The following HHIPL1 variants were observed in gnomAD, a reference collection of about 807,000 sequenced individuals.
HHIPL1 encodes HHIP-like protein 1.
A neutral mutation model predicts 61.8 loss-of-function variants in HHIPL1; 43 were observed. The ratio of observed to expected loss-of-function variants is 0.70; its 90% CI spans 0.55 to 0.90. HHIPL1 has a LOEUF of 0.90. Ranked by LOEUF, HHIPL1 falls within the 40% of genes least tolerant of loss-of-function variation. HHIPL1 has a pLI of 0.00. For missense variants in HHIPL1, 1,056 were observed against 1,157.7 expected, an observed-to-expected ratio of 0.91 and a Z score of 1.28; for synonymous variants, 482 against 515.8, an observed-to-expected ratio of 0.93 and a Z score of 0.89.
At chr14:99,620,780 G>A in the HHIPL1 span, among the ~76,000 whole-genome samples, 1 of 152,222 alleles carries the variant, frequency 6.6e-6, no homozygotes, top group Non-Finnish European at 1.5e-5. Flanking sequence ...ACGTAGGGGG[G>A]CCAGGCCTCT....
chr14:99,611,576 G>C, the HHIPL1 span, among the ~76,000 whole-genome samples: 1 of 139,574 alleles, frequency 7.2e-6, no homozygotes, highest in Non-Finnish European at 1.5e-5. Context: ...GTGAGCCACC[G>C]TGCCTGGCCT....
chr14:99,673,834 G>C (rs1175727919), intron 8 of HHIPL1, among the ~76,000 whole-genome samples: 1 of 98,596 alleles, frequency 1.0e-5, no homozygotes, highest in African/African-American at 4.0e-5. Context: ...GGCATGGAGG[G>C]GGGGTGCACA....
Position 99,652,364 on chromosome 14 carries a change from C to T in HHIPL1, c.396C>T (p.Asp132=), listed in dbSNP as rs2055947402. The change falls in exon 2 of 9, where the codon GAC becomes GAT. Residue 132 remains aspartate, a synonymous_variant. Coordinates refer to ENST00000330710, the MANE Select transcript of HHIPL1 (RefSeq NM_001127258.3). ...CRGLFRHLST[D]QELWALEGNL... ...GGCTGTTCCGTCACCTGTCAACTGA[C>T]CAGGAGCTCTGGGCGCTGGAGGGCA... The T allele has an allele frequency of 6.2e-7, 1 of 1,614,214 alleles. No homozygotes were observed. Among genetic ancestry groups the T allele is most frequent in the Non-Finnish European group, 8.5e-7 (1 of 1,180,050 alleles).
At chr14:99,613,443 G>A in the HHIPL1 span, among the ~76,000 whole-genome samples, 5 of 151,122 alleles carry the variant, frequency 3.3e-5, no homozygotes, top group Admixed American at 1.3e-4. Flanking sequence ...CTCACACCTC[G>A]ACCTCCTGAA....
chr14:99,632,939 G>T, the HHIPL1 span, among the ~76,000 whole-genome samples: 13 of 151,912 alleles, frequency 8.6e-5, no homozygotes, highest in East Asian at 2.5e-3. Flanking sequence ...GGATGGGGGA[G>T]TGAGGAGGGG....
intron 1 of HHIPL1, among the ~76,000 whole-genome samples, chr14:99,650,560 G>A (rs1356693488): frequency 2.6e-5 from 4 of 152,242 alleles, no homozygotes. Context: ...GGGTAGTTGG[G>A]AGCTGGCCAG....
At chr14:99,671,314 G>A (rs1305528756) in intron 7 of HHIPL1, among the ~76,000 whole-genome samples, 1 of 152,164 alleles carries the variant, frequency 6.6e-6, no homozygotes, top group Non-Finnish European at 1.5e-5. Context: ...ATTTCCTTAA[G>A]GAACAAAAGC....
At chr14:99,640,877 CTTTTTTTTTT>C (rs59137552), upstream of HHIPL1, among the ~76,000 whole-genome samples, 66 of 69,870 alleles carry the variant, frequency 9.4e-4, no homozygotes, top group Admixed American at 3.6e-3. Context: ...ACTTCTTCTT[CTTTTTTTTTT>C]TTTTTTTTTT....
the HHIPL1 span, among the ~76,000 whole-genome samples, chr14:99,606,560 C>G: frequency 6.6e-6 from 1 of 152,230 alleles, no homozygotes; most frequent in East Asian, 1.9e-4. Flanking sequence ...CCTGGTGGTT[C>G]CTGGGGCCTG....
In HHIPL1 at chr14:99,678,038, A is replaced by C. The variant is rs1002561814; in HGVS notation, c.*2412A>C. ...GGTTGGGGGGATGGTTTTGGGATGA[A>C]ATGTCCCACCTCAGATCATCAGGCA... On this transcript the variant is annotated 3_prime_UTR_variant, in exon 9 of 9. Transcript: ENST00000330710. 1 of 152,270 alleles carries C rather than the reference A, an allele frequency of 6.6e-6. No individual in the cohort carries two copies. Among genetic ancestry groups the C allele is most frequent in the African/African-American group, 2.4e-5 (1 of 41,438 alleles). The allele number at this position is 152,270 out of a possible 1,614,324, so 9.4% of individuals were successfully genotyped here.
intron 5 of HHIPL1, among the ~76,000 whole-genome samples, chr14:99,662,534 C>T (rs936601437): frequency 6.6e-6 from 1 of 152,162 alleles, no homozygotes; most frequent in Non-Finnish European, 1.5e-5. Flanking sequence ...GAAGATTGCA[C>T]ACAGTGACAG....
At chr14:99,622,230 A>G in the HHIPL1 span, among the ~76,000 whole-genome samples, 1 of 152,142 alleles carries the variant, frequency 6.6e-6, no homozygotes, top group African/African-American at 2.4e-5. Context: ...CACATCTGAT[A>G]AGCTCTAATG....
chr14:99,653,400 G>A (rs1229902695), intron 2 of HHIPL1, among the ~76,000 whole-genome samples: 2 of 152,006 alleles, frequency 1.3e-5, no homozygotes, highest in Admixed American at 6.6e-5. Flanking sequence ...TGGCACAATC[G>A]CAGCTCACTG....
chr14:99,658,527 C>T (rs2056088427), intron 3 of HHIPL1, among the ~76,000 whole-genome samples: 1 of 152,184 alleles, frequency 6.6e-6, no homozygotes, highest in African/African-American at 2.4e-5. Context: ...TGATGGAATA[C>T]AGCTTCACAA....
In HHIPL1 at chr14:99,659,606, G is replaced by C; in HGVS notation, c.1225G>C (p.Gly409Arg). 2 of 1,549,446 alleles carry C rather than the reference G, an allele frequency of 1.3e-6. No homozygotes were observed. Among genetic ancestry groups the C allele is most frequent in the Non-Finnish European group, 1.7e-6 (2 of 1,150,802 alleles). ...CTTCGACCGTGGCGACCCCTCCTCG[G>C]GCACTGGCCGCGGGCGCCTCTTCTG... ...CSFDRGDPSS[G>R]TGRGRLFCGD... Residue 409 changes from glycine (G) to arginine (R), a missense_variant, in exon 4 of 9, where the codon GGC becomes CGC. Physicochemically the swap from Gly to Arg is moderately radical, Grantham distance 125. Transcript: ENST00000330710.
At chr14:99,605,405 C>T in the HHIPL1 span, among the ~76,000 whole-genome samples, 3 of 152,106 alleles carry the variant, frequency 2.0e-5, no homozygotes, top group Non-Finnish European at 2.9e-5. Flanking sequence ...GGTCCCTCCC[C>T]CGGAACCTGC....
the HHIPL1 span, among the ~76,000 whole-genome samples, chr14:99,632,008 G>A: frequency 6.6e-6 from 1 of 152,216 alleles, no homozygotes; most frequent in Non-Finnish European, 1.5e-5. Flanking sequence ...CTGGGAGCGA[G>A]GCTGGGAGTG....
In HHIPL1 at chr14:99,660,262, C is replaced by T. The variant is rs2056128125; in HGVS notation, c.1376-18C>T. ...CCGCCGCTGGCTCACCGAAGCTTCT[C>T]TCCCTCCCACCCCGCAGATGACTTG... On this transcript the variant is annotated intron_variant, in intron 4 of 8. Transcript: ENST00000330710. This position sits in a 1 kb window ranked among gnomAD's most constrained non-coding sequence, Gnocchi z 4.9. 2 of 1,613,786 alleles carry T rather than the reference C, an allele frequency of 1.2e-6. No individual in the cohort carries two copies. Among genetic ancestry groups the T allele is most frequent in the Non-Finnish European group, 1.7e-6 (2 of 1,179,948 alleles).
the HHIPL1 span, among the ~76,000 whole-genome samples, chr14:99,637,115 G>GAAAGAAAAGAA: frequency 2.3e-4 from 31 of 136,752 alleles, no homozygotes; most frequent in Non-Finnish European, 4.3e-4. Flanking sequence ...AAGAAAGAAA[G>GAAAGAAAAGAA]AAAGAAAAGA....
Sources: allele counts gnomAD v4.1 joint callset (sites outside exome capture counted in the v4.1 genomes callset), GRCh38; gene constraint gnomAD v4.1.1; non-coding constraint Gnocchi (gnomAD v3.1); transcripts MANE v1.5; gene names NCBI Gene and HGNC (gene_info 2026-07-23, HGNC 2026-07-21).